RBFOX1: variants seen among roughly 807,000 people sequenced by gnomAD.
RBFOX1 encodes RNA binding protein fox-1 homolog 1.
RBFOX1 carries 8 observed loss-of-function variants against 57.7 expected under a neutral mutation model. The observed-to-expected ratio is 0.14, with a 90% CI of 0.08 to 0.25. The LOEUF (loss-of-function observed/expected upper bound fraction) is 0.25. Ranked by LOEUF, RBFOX1 falls within the 10% of genes least tolerant of loss-of-function variation. The pLI is 1.00. For missense variants in RBFOX1, 611 were observed against 548.5 expected (o/e 1.11, Z -1.14); for synonymous variants, 326 against 222.4 (o/e 1.47, Z -4.15).
At chr16:7,010,849 T>A (rs1271696959) in intron 3 of RBFOX1, among the ~76,000 whole-genome samples, 1 of 152,172 alleles carries the variant, frequency 6.6e-6, no homozygotes, top group East Asian at 1.9e-4. Flanking sequence ...AGTGCTGGGA[T>A]TATAGGCATG....
intron 2 of RBFOX1, among the ~76,000 whole-genome samples, chr16:6,639,519 A>G (rs2098470076): frequency 6.6e-6 from 1 of 152,192 alleles, no homozygotes; most frequent in Non-Finnish European, 1.5e-5. Flanking sequence ...ATTGAGAAGG[A>G]AGAACAATAA....
intron 1 of RBFOX1, among the ~76,000 whole-genome samples, chr16:6,231,367 C>G (rs112132443): frequency 4.6e-5 from 7 of 152,158 alleles, no homozygotes; most frequent in African/African-American, 1.4e-4. Flanking sequence ...ATGAGACTCT[C>G]TAGCTCTTCT....
At chr16:7,096,830 GC>G (rs2061772741) in intron 4 of RBFOX1, among the ~76,000 whole-genome samples, 1 of 150,816 alleles carries the variant, frequency 6.6e-6, no homozygotes, top group African/African-American at 2.4e-5. Context: ...TACGTAGGGG[GC>G]TGAGGTAAGA....
rs1452386587 is a variant in RBFOX1, at chr16:6,454,874, T to G, written c.-64+137817T>G. On this transcript the variant is annotated intron_variant, in intron 2 of 15. Transcript: ENST00000550418. ...CTCATATACAGGTTTTTTTTTTTTTTTTTTTTTTTTTTTTTTTTTTTTTTT... is the reference window on the plus strand; with the variant it reads ...CTCATATACAGGTTTTTTTTTTTTTGTTTTTTTTTTTTTTTTTTTTTTTTT... 6.1e-3 allele frequency among the ~76,000 whole-genome samples: 304 copies of G among 50,196 alleles called. 41 individuals carry two copies. The highest frequency in any genetic ancestry group is 0.021 in the Middle Eastern group (3 of 140). 32.9% of individuals were successfully genotyped at this position (50,196 alleles called of 152,430 possible).
chr16:6,507,368 A>C (rs753849611), intron 2 of RBFOX1, among the ~76,000 whole-genome samples: 1 of 152,146 alleles, frequency 6.6e-6, no homozygotes, highest in Non-Finnish European at 1.5e-5. Flanking sequence ...AATATTATTC[A>C]ACCTTAAAAG....
intron 3 of RBFOX1, among the ~76,000 whole-genome samples, chr16:6,861,166 G>T (rs910120122): frequency 6.6e-6 from 1 of 152,160 alleles, no homozygotes; most frequent in Non-Finnish European, 1.5e-5. Context: ...TATGTCTCAT[G>T]TATTGCATAA....
chr16:7,433,437 A>T (rs946037713), intron 4 of RBFOX1, among the ~76,000 whole-genome samples: 8 of 152,180 alleles, frequency 5.3e-5, no homozygotes, highest in Non-Finnish European at 1.2e-4. Flanking sequence ...CTAATAGGGG[A>T]TAATGAATGT....
chr16:6,350,219 C>T (rs1387368149), intron 2 of RBFOX1, among the ~76,000 whole-genome samples: 1 of 151,818 alleles, frequency 6.6e-6, no homozygotes, highest in Non-Finnish European at 1.5e-5. Flanking sequence ...GGCAGATTGC[C>T]TGAGGTCGGG....
At chr16:6,250,066 C>T (rs1018921129) in intron 1 of RBFOX1, among the ~76,000 whole-genome samples, 3 of 152,084 alleles carry the variant, frequency 2.0e-5, no homozygotes, top group Admixed American at 6.6e-5. Flanking sequence ...AGCCCAGGCA[C>T]GTGGCAGGGT....
intron 4 of RBFOX1, among the ~76,000 whole-genome samples, chr16:7,222,989 C>T (rs2092839470): frequency 6.6e-6 from 1 of 152,176 alleles, no homozygotes; most frequent in Non-Finnish European, 1.5e-5. Context: ...ATCTGGGCTG[C>T]ATGGTCAGAC....
intron 1 of RBFOX1, among the ~76,000 whole-genome samples, chr16:6,110,675 A>T (rs1251108296): frequency 2.6e-5 from 4 of 152,176 alleles, no homozygotes; most frequent in Admixed American, 2.0e-4. Context: ...GAGGAGTTGA[A>T]TATCATCTCA....
chr16:7,492,109 G>A (rs1272649350), intron 4 of RBFOX1, among the ~76,000 whole-genome samples: 1 of 152,130 alleles, frequency 6.6e-6, no homozygotes, highest in Non-Finnish European at 1.5e-5. Flanking sequence ...CCAAAAGGTG[G>A]AAAAAGACTC....
chr16:6,662,999 C>T (rs2098710812), intron 3 of RBFOX1, among the ~76,000 whole-genome samples: 1 of 152,094 alleles, frequency 6.6e-6, no homozygotes, highest in African/African-American at 2.4e-5. Context: ...CTGTTTTCTA[C>T]TGGTGGGTTT....
chr16:6,009,547 A>T (rs946414267), intron 4 of RBFOX1, among the ~76,000 whole-genome samples: 1 of 152,148 alleles, frequency 6.6e-6, no homozygotes, highest in Admixed American at 6.6e-5. Context: ...TAATATATTT[A>T]TGGTGCATAA....
intron 2 of RBFOX1, among the ~76,000 whole-genome samples, chr16:5,571,762 G>A (rs1271964770): frequency 6.6e-6 from 1 of 152,188 alleles, no homozygotes; most frequent in Non-Finnish European, 1.5e-5. Context: ...TACGAAGGGA[G>A]CTAGAAGCTC....
intron 3 of RBFOX1, among the ~76,000 whole-genome samples, chr16:6,976,436 G>T (rs936562415): frequency 6.6e-6 from 1 of 152,030 alleles, no homozygotes; most frequent in Non-Finnish European, 1.5e-5. Context: ...TACATCTGTG[G>T]CTATTGGTTT....
At chr16:6,793,522 A>G (rs1432878876) in intron 3 of RBFOX1, among the ~76,000 whole-genome samples, 1 of 152,034 alleles carries the variant, frequency 6.6e-6, no homozygotes, top group Non-Finnish European at 1.5e-5. Flanking sequence ...ATTTCCAAAC[A>G]TTTCTAGGTC....
chr16:7,416,076 T>C (rs2098474851), intron 4 of RBFOX1, among the ~76,000 whole-genome samples: 1 of 152,196 alleles, frequency 6.6e-6, no homozygotes, highest in Non-Finnish European at 1.5e-5. Flanking sequence ...CTTTCTTTCT[T>C]ATTAAACCTC....
chr16:6,735,570 C>G (rs889370801), intron 3 of RBFOX1, among the ~76,000 whole-genome samples: 1 of 152,174 alleles, frequency 6.6e-6, no homozygotes, highest in Non-Finnish European at 1.5e-5. Flanking sequence ...ATGGATGTGA[C>G]TTGTATTTGC....
Sources: allele counts gnomAD v4.1 joint callset (sites outside exome capture counted in the v4.1 genomes callset), GRCh38; gene constraint gnomAD v4.1.1; transcripts MANE v1.5; gene names NCBI Gene and HGNC (gene_info 2026-07-23, HGNC 2026-07-21).